QTMAN: variants seen among roughly 807,000 people sequenced by gnomAD.
QTMAN encodes the protein tRNA-queuosine alpha-mannosyltransferase.
the QTMAN span, among the ~76,000 whole-genome samples, chr2:144,210,658 A>G: frequency 4.6e-5 from 7 of 152,302 alleles, no homozygotes; most frequent in African/African-American, 1.4e-4. Context: ...GTAGTGTTCA[A>G]TAAGTTCACA....
chr2:144,177,008 AAG>A, the QTMAN span: 12 of 621,072 alleles, frequency 1.9e-5, no homozygotes, highest in Admixed American at 5.1e-5. Flanking sequence ...GAGCAGGACA[AAG>A]AGAGAGAGTG....
chr2:144,203,195 G>A, the QTMAN span, among the ~76,000 whole-genome samples: 36 of 151,088 alleles, frequency 2.4e-4, no homozygotes, highest in South Asian at 3.4e-3. Context: ...GTGTGTGCAC[G>A]TGCGCACGCA....
At chr2:144,007,810 G>A in the QTMAN span, among the ~76,000 whole-genome samples, 2 of 152,014 alleles carry the variant, frequency 1.3e-5, no homozygotes, top group East Asian at 3.9e-4. Context: ...TTACAGAGAT[G>A]GTTTATCACT....
chr2:144,141,631 C>A, the QTMAN span, among the ~76,000 whole-genome samples: 3 of 149,246 alleles, frequency 2.0e-5, no homozygotes, highest in Admixed American at 6.7e-5. Context: ...AAACACCGGG[C>A]TGCTTTGGCA....
chr2:144,182,337 C>T, the QTMAN span, among the ~76,000 whole-genome samples: 1,027 of 151,908 alleles, frequency 6.8e-3, 6 homozygotes, highest in Middle Eastern at 0.014. Context: ...TAAAAGCTTC[C>T]TCTTTAGAAT....
the QTMAN span, among the ~76,000 whole-genome samples, chr2:144,285,892 A>C: frequency 6.6e-6 from 1 of 152,210 alleles, no homozygotes; most frequent in African/African-American, 2.4e-5. Flanking sequence ...GTGCCCTTCT[A>C]GTAGCTTGTT....
At chr2:144,169,916 A>G in the QTMAN span, among the ~76,000 whole-genome samples, 1 of 152,128 alleles carries the variant, frequency 6.6e-6, no homozygotes, top group East Asian at 1.9e-4. Context: ...AGAAAAAATC[A>G]CTTATAATTC....
the QTMAN span, chr2:143,946,300 T>A: frequency 2.0e-5 from 3 of 152,232 alleles, no homozygotes; most frequent in Non-Finnish European, 4.4e-5. Context: ...GTGTTTGTCA[T>A]GTTTGTCCGA....
the QTMAN span, among the ~76,000 whole-genome samples, chr2:144,327,778 G>C: frequency 6.6e-6 from 1 of 152,126 alleles, no homozygotes; most frequent in African/African-American, 2.4e-5. Flanking sequence ...AAAGGTAGGG[G>C]AGATAGCAAG....
the QTMAN span, among the ~76,000 whole-genome samples, chr2:144,301,856 G>A: frequency 9.9e-5 from 15 of 152,156 alleles, no homozygotes; most frequent in Admixed American, 8.5e-4. Context: ...GTGCCAGCAC[G>A]GGCACATCAT....
At chr2:144,206,433 A>G in the QTMAN span, among the ~76,000 whole-genome samples, 2 of 152,188 alleles carry the variant, frequency 1.3e-5, no homozygotes, top group South Asian at 4.1e-4. Flanking sequence ...CATGCTATCA[A>G]GTTTTCATGC....
chr2:143,957,752 G>A, the QTMAN span, among the ~76,000 whole-genome samples: 3 of 152,168 alleles, frequency 2.0e-5, no homozygotes, highest in East Asian at 1.9e-4. Context: ...TCCTAATGAC[G>A]GACTGCATTC....
At chr2:144,074,928 T>C in the QTMAN span, among the ~76,000 whole-genome samples, 1 of 152,234 alleles carries the variant, frequency 6.6e-6, no homozygotes, top group African/African-American at 2.4e-5. Flanking sequence ...ACTTCTGCCT[T>C]AGTTTCCTCC....
the QTMAN span, among the ~76,000 whole-genome samples, chr2:144,166,889 C>T: frequency 6.6e-6 from 1 of 152,192 alleles, no homozygotes; most frequent in Non-Finnish European, 1.5e-5. Context: ...ACCAGACTCT[C>T]ACCAATGCCC....
chr2:143,973,721 G>A, the QTMAN span, among the ~76,000 whole-genome samples: 379 of 151,576 alleles, frequency 2.5e-3, 4 homozygotes, highest in African/African-American at 8.6e-3. Context: ...CCCGGGAGGC[G>A]GAGCTTGCAG....
At chr2:143,978,620 T>C in the QTMAN span, among the ~76,000 whole-genome samples, 1 of 152,316 alleles carries the variant, frequency 6.6e-6, no homozygotes, top group Non-Finnish European at 1.5e-5. Context: ...TTAAGACGAA[T>C]TGAGTCTTCC....
chr2:144,187,585 T>C, the QTMAN span, among the ~76,000 whole-genome samples: 1 of 152,174 alleles, frequency 6.6e-6, no homozygotes, highest in Non-Finnish European at 1.5e-5. Flanking sequence ...ATTGACAAAC[T>C]GAAGATAAAA....
At chr2:144,003,560 T>C in the QTMAN span, among the ~76,000 whole-genome samples, 1 of 152,006 alleles carries the variant, frequency 6.6e-6, no homozygotes, top group Non-Finnish European at 1.5e-5. Context: ...GAAAACAAAT[T>C]ACTCTGCAGA....
chr2:143,990,911 A>G, the QTMAN span, among the ~76,000 whole-genome samples: 1 of 152,322 alleles, frequency 6.6e-6, no homozygotes, highest in Admixed American at 6.5e-5. Context: ...AGGCACTATT[A>G]AAAGTGACCG....
Sources: allele counts gnomAD v4.1 joint callset (sites outside exome capture counted in the v4.1 genomes callset), GRCh38; gene constraint gnomAD v4.1.1; transcripts MANE v1.5; gene names NCBI Gene and HGNC (gene_info 2026-07-23, HGNC 2026-07-21).